Variants in CTNNA3 observed in about 807,000 individuals in gnomAD.
CTNNA3 encodes catenin alpha-3.
In CTNNA3, 76 loss-of-function variants were observed where a neutral mutation model predicts 95.7. That is an observed-to-expected ratio of 0.79 (90% CI 0.66 to 0.96). The LOEUF is 0.96. Among genes scored for constraint, CTNNA3 ranks in the 40% least tolerant of loss-of-function variants. CTNNA3 has a pLI of 0.00. For synonymous variants in CTNNA3, 431 were observed against 374.4 expected (o/e 1.15, Z -1.74); for missense variants, 1,191 against 1,089.8 (o/e 1.09, Z -1.31).
chr10:66,493,597 G>GTTTTTTTTTTTTTTTTTT (rs1589329310), intron 11 of CTNNA3, among the ~76,000 whole-genome samples: 1 of 119,560 alleles, frequency 8.4e-6, no homozygotes, highest in African/African-American at 4.2e-5. Flanking sequence ...TTTAACTACA[G>GTTTTTTTTTTTTTTTTTT]TATTTTTTTT....
intron 5 of CTNNA3, among the ~76,000 whole-genome samples, chr10:67,337,224 G>A (rs2132602686): frequency 6.6e-6 from 1 of 152,220 alleles, no homozygotes; most frequent in Non-Finnish European, 1.5e-5. Flanking sequence ...GCATTAACAG[G>A]AGTTTGGAAG....
At chr10:67,410,031 C>T (rs1040176522) in intron 5 of CTNNA3, among the ~76,000 whole-genome samples, 1 of 152,106 alleles carries the variant, frequency 6.6e-6, no homozygotes, top group Non-Finnish European at 1.5e-5. Context: ...GAATACAAAT[C>T]ATTCTGTAAT....
intron 12 of CTNNA3, among the ~76,000 whole-genome samples, chr10:66,353,682 G>T (rs2092584479): frequency 6.6e-6 from 1 of 151,950 alleles, no homozygotes; most frequent in African/African-American, 2.4e-5. Context: ...AGTTAAGATT[G>T]CCAATTTGTT....
chr10:67,611,720 G>A (rs1013085675), intron 2 of CTNNA3, among the ~76,000 whole-genome samples: 3 of 152,034 alleles, frequency 2.0e-5, no homozygotes, highest in Non-Finnish European at 4.4e-5. Flanking sequence ...CCTCATTGTA[G>A]TATAAAAAGG....
chr10:67,629,975 C>T (rs1173278852), intron 2 of CTNNA3, among the ~76,000 whole-genome samples: 1 of 152,128 alleles, frequency 6.6e-6, no homozygotes, highest in Non-Finnish European at 1.5e-5. Context: ...TAGTCAACTC[C>T]TCAAAAAGAG....
Position 66,074,899 on chromosome 10 carries a change from T to C in CTNNA3, c.1978-5410A>G, listed in dbSNP as rs78192563. On this transcript the variant is annotated intron_variant, in intron 14 of 17. Coordinates refer to ENST00000433211, the MANE Select transcript of CTNNA3 (RefSeq NM_013266.4). ...AAGTAGGAACATATTGCATGATAAA[T>C]GTTTGTTTGTGATTGTTAACAGAAA... is the stretch of plus-strand genomic sequence containing the variant. Among the ~76,000 whole-genome samples the C allele has an allele frequency of 6.1e-3, 932 of 152,012 alleles. 23 individuals carry two copies. Among genetic ancestry groups the C allele is most frequent in the Admixed American group, 0.046 (699 of 15,226 alleles).
At chr10:67,035,553 G>A (rs1345890534) in intron 7 of CTNNA3, among the ~76,000 whole-genome samples, 4 of 151,946 alleles carry the variant, frequency 2.6e-5, no homozygotes, top group African/African-American at 7.2e-5. Flanking sequence ...ATTCTAACTC[G>A]GAGAACTTTT....
At chr10:66,722,151 G>A (rs750941792) in intron 9 of CTNNA3, among the ~76,000 whole-genome samples, 9 of 152,162 alleles carry the variant, frequency 5.9e-5, no homozygotes, top group Non-Finnish European at 1.3e-4. Flanking sequence ...GGCTGAGGCG[G>A]GTGGATCACG....
intron 7 of CTNNA3, among the ~76,000 whole-genome samples, chr10:67,177,539 G>A (rs1460059431): frequency 6.6e-6 from 1 of 152,134 alleles, no homozygotes; most frequent in East Asian, 1.9e-4. Context: ...GCTACTGACT[G>A]ATCTGAAAAA....
chr10:66,280,297 T>C (rs2091469946), intron 13 of CTNNA3, among the ~76,000 whole-genome samples, 173 bp downstream of exon 13: 2 of 151,928 alleles, frequency 1.3e-5, no homozygotes, highest in African/African-American at 4.8e-5. Context: ...TAAGTAAAAG[T>C]GTTGTTTGTG....
intron 5 of CTNNA3, among the ~76,000 whole-genome samples, chr10:67,325,410 C>T (rs1293090615): frequency 6.6e-6 from 1 of 152,154 alleles, no homozygotes; most frequent in Non-Finnish European, 1.5e-5. Context: ...TTAGCTGTGT[C>T]TCAAAGATTC....
chr10:67,017,725 CTGTGTGTGTGTG>C (rs10586644), intron 7 of CTNNA3, among the ~76,000 whole-genome samples: 1 of 147,892 alleles, frequency 6.8e-6, no homozygotes, highest in African/African-American at 2.5e-5. Context: ...CAAAAATCAT[CTGTGTGTGTGTG>C]TGTGTGTGTG....
chr10:66,688,969 A>G (rs1475578720), intron 9 of CTNNA3, among the ~76,000 whole-genome samples: 2 of 151,924 alleles, frequency 1.3e-5, no homozygotes, highest in Non-Finnish European at 2.9e-5. Flanking sequence ...ATCTCAAAAA[A>G]AAAAAAAAAA....
chr10:66,995,814 A>T (rs1042467265), intron 7 of CTNNA3, among the ~76,000 whole-genome samples: 1 of 152,174 alleles, frequency 6.6e-6, no homozygotes, highest in Non-Finnish European at 1.5e-5. Context: ...TACAAGCATT[A>T]CTGCCTCTAC....
chr10:66,250,398 G>A (rs1179131389), intron 13 of CTNNA3, among the ~76,000 whole-genome samples: 2 of 152,092 alleles, frequency 1.3e-5, no homozygotes, highest in Non-Finnish European at 2.9e-5. Context: ...TAATGTACTT[G>A]TCCATTTTAA....
At chr10:67,044,788 A>G (rs1854622429) in intron 7 of CTNNA3, among the ~76,000 whole-genome samples, 1 of 152,224 alleles carries the variant, frequency 6.6e-6, no homozygotes, top group Non-Finnish European at 1.5e-5. Flanking sequence ...AGCACAGTGG[A>G]AAGATCATGG....
chr10:67,587,314 C>T (rs948208157), intron 3 of CTNNA3, among the ~76,000 whole-genome samples: 2 of 151,548 alleles, frequency 1.3e-5, no homozygotes, highest in Non-Finnish European at 2.9e-5. Flanking sequence ...ACTGCTTAGG[C>T]TTCCCAAAGT....
At chr10:67,391,335 A>C (rs1564620002) in intron 5 of CTNNA3, among the ~76,000 whole-genome samples, 1 of 150,630 alleles carries the variant, frequency 6.6e-6, no homozygotes, top group Non-Finnish European at 1.5e-5. Flanking sequence ...ATACCTAGGA[A>C]TCCAACTTAC....
At chr10:66,029,867 A>C (rs1246810712) in intron 15 of CTNNA3, among the ~76,000 whole-genome samples, 1 of 152,218 alleles carries the variant, frequency 6.6e-6, no homozygotes, top group Non-Finnish European at 1.5e-5. Context: ...AAGTACTGGA[A>C]TTATAAAAAA....
Sources: allele counts gnomAD v4.1 joint callset (sites outside exome capture counted in the v4.1 genomes callset), GRCh38; gene constraint gnomAD v4.1.1; transcripts MANE v1.5; gene names NCBI Gene and HGNC (gene_info 2026-07-23, HGNC 2026-07-21).